The following BFSP1 variants were observed in gnomAD, a reference collection of about 807,000 sequenced individuals.
The protein encoded by BFSP1 is beaded filament structural protein 1, also known as filensin.
BFSP1 carries 38 observed loss-of-function variants against 43.9 expected under a neutral mutation model. That is an observed-to-expected ratio of 0.87 (90% confidence interval 0.67 to 1.14). The LOEUF is 1.14. Among genes scored for constraint, BFSP1 ranks in the 50% most tolerant of loss-of-function variants. The pLI is 0.00. For synonymous variants in BFSP1, 352 were observed against 354.8 expected, an observed-to-expected ratio of 0.99 and a Z score of 0.09; for missense variants, 850 against 875.1, an observed-to-expected ratio of 0.97 and a Z score of 0.36.
rs2033591640 is a variant in BFSP1 at position 17,494,831 on chromosome 20, G to T, written c.1241C>A (p.Ser414Ter). ...LKEESESKFE[S>*]ESKEVSPLTQ... is the part of the protein sequence containing the mutation. Reference sequence around the variant, plus strand: ...CAGGGGACTTACTTCTTTACTTTCTGATTCAAACTTAGATTCACTTTCCTC... The same window carrying T: ...CAGGGGACTTACTTCTTTACTTTCTTATTCAAACTTAGATTCACTTTCCTC... The change falls in exon 8 of 8, where the codon TCA becomes TAA. Residue 414 changes from serine to a stop codon, truncating the protein, a stop_gained. Transcript: ENST00000377873. LOFTEE classifies it low-confidence loss of function (END_TRUNC). 6.2e-7 allele frequency: 1 copy of T among 1,614,180 alleles called. No individual in the cohort carries two copies. The highest frequency in any genetic ancestry group is 8.5e-7 in the Non-Finnish European group (1 of 1,180,028).
intron 4 of BFSP1, 61 bp downstream of exon 4, chr20:17,511,915 G>A (rs995551152): frequency 2.1e-6 from 3 of 1,457,058 alleles, no homozygotes; most frequent in Non-Finnish European, 2.9e-6. Context: ...CCCTTCCCTG[G>A]GAGTCTCCAG....
At chr20:17,520,210 G>GCTCCCCCCCCCC (rs201615265) in intron 2 of BFSP1, among the ~76,000 whole-genome samples, 2 of 133,356 alleles carry the variant, frequency 1.5e-5, no homozygotes, top group Non-Finnish European at 3.1e-5. Flanking sequence ...GTTTTAACGT[G>GCTCCCCCCCCCC]CCCCCCCACC....
At chr20:17,503,254 T>C (rs1417474128) in intron 5 of BFSP1, among the ~76,000 whole-genome samples, 1 of 152,248 alleles carries the variant, frequency 6.6e-6, no homozygotes, top group Non-Finnish European at 1.5e-5. Context: ...GGTCTTGAAC[T>C]TCTGGGCTGA....
In BFSP1 at chr20:17,530,386, AAAGAT is replaced by A. The variant is rs1253346216; in HGVS notation, c.377+562_377+566del. 5.3e-5 allele frequency among the ~76,000 whole-genome samples: 8 copies of A among 152,372 alleles called. No individual in the cohort carries two copies. In the East Asian group the frequency reaches 9.6e-4, roughly 18 times the overall value. On this transcript the variant is annotated intron_variant, in intron 1 of 7. Transcript: ENST00000377873. ...GCCTCATCTGTAAAACAGGTGCAGT[AAAGAT>A]AAGTATGTAAGGATTAAATAACATC...
upstream of BFSP1, chr20:17,563,033 G>A (rs980432987): frequency 6.6e-6 from 1 of 152,218 alleles, no homozygotes; most frequent in Non-Finnish European, 1.5e-5. Flanking sequence ...GTTGGTAAAG[G>A]GCTTGGGATC....
At chr20:17,563,890 A>AAAG (rs1250964449), upstream of BFSP1, among the ~76,000 whole-genome samples, 45 of 150,928 alleles carry the variant, frequency 3.0e-4, no homozygotes, top group Middle Eastern at 3.4e-3. Context: ...GTGTCTAAAA[A>AAAG]AAAAAAAAAA....
chr20:17,535,392 A>G (rs754073609), upstream of BFSP1, among the ~76,000 whole-genome samples: 7 of 152,172 alleles, frequency 4.6e-5, no homozygotes, highest in Non-Finnish European at 1.0e-4. Flanking sequence ...TTAGCAAGGC[A>G]TGGTGCTACA....
At position 17,525,813 on chromosome 20, in the gene BFSP1, C is replaced by T. The variant is rs2034407082; in HGVS notation, c.378-905G>A. On this transcript the variant is annotated intron_variant, in intron 1 of 7. Coordinates refer to ENST00000377873, the MANE Select transcript of BFSP1 (RefSeq NM_001195.5). The surrounding 1 kb of genome is among the most constrained non-coding windows in gnomAD (Gnocchi z 4.2). Reference sequence around the variant, plus strand: ...CTAGAAGGGAGACTACATTTTCCAGCATTCCTTGCAGCCAGGTGTGGCCAT... The same window carrying T: ...CTAGAAGGGAGACTACATTTTCCAGTATTCCTTGCAGCCAGGTGTGGCCAT... Among the ~76,000 whole-genome samples the T allele has an allele frequency of 6.6e-6, 1 of 152,180 alleles. No homozygotes were observed. The highest frequency in any genetic ancestry group is 1.5e-5 in the Non-Finnish European group (1 of 68,038).
At chr20:17,497,615 TAC>T (rs1568679877) in intron 6 of BFSP1, among the ~76,000 whole-genome samples, 1 of 105,608 alleles carries the variant, frequency 9.5e-6, no homozygotes, top group African/African-American at 3.4e-5. Context: ...TACGTATATA[TAC>T]ATATACACAC....
intron 5 of BFSP1, among the ~76,000 whole-genome samples, chr20:17,505,621 A>G (rs2033917796): frequency 6.6e-6 from 1 of 152,208 alleles, no homozygotes; most frequent in African/African-American, 2.4e-5. Flanking sequence ...GGAAGCCACT[A>G]AAACCTTTAA....
At chr20:17,558,080 C>T (rs746791621) in intron 1 of BFSP1, among the ~76,000 whole-genome samples, 2 of 151,922 alleles carry the variant, frequency 1.3e-5, no homozygotes, top group Admixed American at 6.6e-5. Flanking sequence ...AGATTCCTTA[C>T]ATCTCTCCAA....
chr20:17,516,320 T>C (rs2034199100), intron 2 of BFSP1, among the ~76,000 whole-genome samples: 1 of 151,774 alleles, frequency 6.6e-6, no homozygotes, highest in African/African-American at 2.4e-5. Context: ...AGAGCAAAAC[T>C]CCATCTCAAA....
At chr20:17,553,860 CACATATAT>C (rs2034945270) in intron 1 of BFSP1, among the ~76,000 whole-genome samples, 2 of 72,420 alleles carry the variant, frequency 2.8e-5, no homozygotes, top group African/African-American at 1.7e-4. Flanking sequence ...CATATATATA[CACATATAT>C]ATACATATAT....
intron 1 of BFSP1, among the ~76,000 whole-genome samples, chr20:17,553,997 C>G (rs2123589452): frequency 6.6e-6 from 1 of 150,572 alleles, no homozygotes; most frequent in East Asian, 2.0e-4. Context: ...ATATTTTTAG[C>G]ATTAGGGAAT....
Position 17,531,337 on chromosome 20 carries a change from C to G in BFSP1, c.-8G>C, listed in dbSNP as rs1047291246. On this transcript the variant is annotated 5_prime_UTR_variant, in exon 1 of 8. Coordinates refer to ENST00000377873, the MANE Select transcript of BFSP1 (RefSeq NM_001195.5). ...GTAGCTGCGCCGGTACATGGCTGCT[C>G]TGGCGCGGGCGCGCGGGCGGCGCCG... The G allele has an allele frequency of 6.9e-5, 96 of 1,397,792 alleles. No homozygotes were observed. The highest frequency in any genetic ancestry group is 8.5e-5 in the Non-Finnish European group (92 of 1,081,992). The allele number at this position is 1,397,792 out of a possible 1,614,324, so 86.6% of individuals were successfully genotyped here. A position where few individuals can be genotyped will look rare whatever the true frequency, so the allele number is the denominator to read the frequency against.
upstream of BFSP1, among the ~76,000 whole-genome samples, chr20:17,533,297 AGCATG>A (rs2034578027): frequency 2.6e-5 from 4 of 152,258 alleles, no homozygotes; most frequent in Non-Finnish European, 5.9e-5. Flanking sequence ...CCATGCTGAT[AGCATG>A]GTAAATTGAC....
intron 2 of BFSP1, among the ~76,000 whole-genome samples, chr20:17,521,809 T>C (rs916343208): frequency 2.6e-5 from 4 of 151,884 alleles, no homozygotes; most frequent in Non-Finnish European, 5.9e-5. Context: ...AATGAAGGAA[T>C]GTGACGAGCA....
intron 2 of BFSP1, among the ~76,000 whole-genome samples, chr20:17,520,623 C>CCT (rs1364306284): frequency 6.6e-6 from 1 of 152,176 alleles, no homozygotes; most frequent in South Asian, 2.1e-4. Flanking sequence ...ATCTCTCCAC[C>CCT]CTCTCTCTTG....
chr20:17,544,377 G>C (rs954850671), intron 1 of BFSP1, among the ~76,000 whole-genome samples: 8 of 152,226 alleles, frequency 5.3e-5, no homozygotes, highest in African/African-American at 1.4e-4. Context: ...AGATGGTTTA[G>C]AGTAAGCAGG....
Sources: allele counts gnomAD v4.1 joint callset (sites outside exome capture counted in the v4.1 genomes callset), GRCh38; gene constraint gnomAD v4.1.1; non-coding constraint Gnocchi (gnomAD v3.1); transcripts MANE v1.5; gene names NCBI Gene and HGNC (gene_info 2026-07-23, HGNC 2026-07-21).